The following ZFHX3 variants were observed in gnomAD, a reference collection of about 807,000 sequenced individuals.
ZFHX3 encodes zinc finger homeobox 3.
ZFHX3 carries 42 observed loss-of-function variants against 279.1 expected under a neutral mutation model. The observed-to-expected ratio is 0.15, with a 90% CI of 0.12 to 0.19. ZFHX3 has a LOEUF of 0.19. Ranked by LOEUF, ZFHX3 falls within the 10% of genes least tolerant of loss-of-function variation. The probability of loss-of-function intolerance (pLI) is 1.00; values close to 1 mark genes in which losing one functional copy is unlikely to be tolerated. For missense variants in ZFHX3, 4,981 were observed against 4,754.0 expected (o/e 1.05, Z -1.40); for synonymous variants, 2,293 against 1,957.8 (o/e 1.17, Z -4.52).
In ZFHX3 at chr16:73,129,140, C is replaced by T. The variant is rs555538728; in HGVS notation, c.-897+1828G>A. The stretch of plus-strand genomic sequence containing the variant: ...GAGGGGCACACCTGTAATTCCAGCA[C>T]TTTGGGAGGCTGAAGTGGGCAGATC... On this transcript the variant is annotated intron_variant, in intron 7 of 17. Transcript: ENST00000641206. Among the ~76,000 whole-genome samples, 5 of 152,212 alleles carry T rather than the reference C, an allele frequency of 3.3e-5. No individual in the cohort carries two copies. The East Asian group carries it at 7.7e-4, about 24-fold the overall frequency.
intron 1 of ZFHX3, among the ~76,000 whole-genome samples, chr16:73,814,395 G>A (rs745958706): frequency 1.3e-5 from 2 of 149,902 alleles, no homozygotes; most frequent in Non-Finnish European, 2.9e-5. Context: ...TTCAGATGGT[G>A]GAGATCATTC....
chr16:73,488,665 T>C (rs915375959), intron 2 of ZFHX3, among the ~76,000 whole-genome samples: 9 of 152,292 alleles, frequency 5.9e-5, no homozygotes, highest in Non-Finnish European at 1.3e-4. Context: ...TAGGAAGCCA[T>C]AGGATTCCTG....
chr16:73,282,493 C>G (rs1322627685), intron 4 of ZFHX3, among the ~76,000 whole-genome samples: 7 of 152,282 alleles, frequency 4.6e-5, no homozygotes, highest in Admixed American at 4.6e-4. Context: ...TTCTCTACTT[C>G]AGGAACATCA....
intron 2 of ZFHX3, among the ~76,000 whole-genome samples, chr16:73,514,595 T>G (rs2019488643): frequency 6.6e-6 from 1 of 152,230 alleles, no homozygotes; most frequent in South Asian, 2.1e-4. Flanking sequence ...CCTGTGCACC[T>G]ATCATCTCAT....
chr16:72,911,725 G>A (rs1317201117), intron 3 of ZFHX3, among the ~76,000 whole-genome samples: 1 of 152,222 alleles, frequency 6.6e-6, no homozygotes, highest in Non-Finnish European at 1.5e-5. Context: ...TCAAGTGCTC[G>A]ATGGCCCCGT....
intron 1 of ZFHX3, among the ~76,000 whole-genome samples, chr16:73,797,521 G>C (rs181036997): frequency 1.3e-5 from 2 of 152,304 alleles, no homozygotes; most frequent in Admixed American, 1.3e-4. Flanking sequence ...TAGGCCCAGG[G>C]AGGTCAGTGG....
chr16:72,849,624 T>C (rs1030988012), intron 4 of ZFHX3, among the ~76,000 whole-genome samples: 2 of 152,120 alleles, frequency 1.3e-5, no homozygotes, highest in African/African-American at 4.8e-5. Flanking sequence ...GGATGAAATC[T>C]TTATTGGTGC....
At chr16:73,334,931 T>G (rs1021639985) in intron 3 of ZFHX3, among the ~76,000 whole-genome samples, 50 of 150,680 alleles carry the variant, frequency 3.3e-4, no homozygotes, top group Non-Finnish European at 2.4e-4. Context: ...TTTGCCTGCT[T>G]TGCACAAAGG....
At chr16:73,308,116 A>C (rs987633180) in intron 4 of ZFHX3, among the ~76,000 whole-genome samples, 2 of 151,846 alleles carry the variant, frequency 1.3e-5, no homozygotes, top group South Asian at 4.2e-4. Context: ...TGTAGAAAAT[A>C]CTTGTCGGAG....
chr16:73,704,366 T>C (rs187841641), intron 1 of ZFHX3, among the ~76,000 whole-genome samples: 6 of 152,274 alleles, frequency 3.9e-5, no homozygotes, highest in Admixed American at 1.3e-4. Flanking sequence ...AAATTGCTCT[T>C]ACAGAGCACC....
intron 6 of ZFHX3, among the ~76,000 whole-genome samples, chr16:73,141,226 T>G (rs1164734676): frequency 6.6e-6 from 1 of 152,174 alleles, no homozygotes; most frequent in Non-Finnish European, 1.5e-5. Context: ...ACCTTAGAGA[T>G]TGTATCAGTG....
chr16:72,922,763 A>G (rs1322414844), intron 3 of ZFHX3, among the ~76,000 whole-genome samples: 1 of 152,200 alleles, frequency 6.6e-6, no homozygotes, highest in African/African-American at 2.4e-5. Flanking sequence ...TTTTTAGAAC[A>G]GGATATTCTA....
chr16:73,153,416 T>TG (rs1966997013), intron 5 of ZFHX3, among the ~76,000 whole-genome samples: 1 of 150,956 alleles, frequency 6.6e-6, no homozygotes. Flanking sequence ...CACCTAGCCT[T>TG]GGGGTGAATT....
At chr16:73,358,577 G>A (rs2016383736) in intron 3 of ZFHX3, among the ~76,000 whole-genome samples, 1 of 152,218 alleles carries the variant, frequency 6.6e-6, no homozygotes, top group South Asian at 2.1e-4. Flanking sequence ...TTCCTGCCCT[G>A]TAGAAGCTAA....
At chr16:73,146,299 A>C (rs1966862750) in intron 5 of ZFHX3, among the ~76,000 whole-genome samples, 1 of 152,114 alleles carries the variant, frequency 6.6e-6, no homozygotes. Context: ...GTGGTGGCAC[A>C]TGCTTGTAGC....
At chr16:73,474,757 T>C (rs542458470) in intron 2 of ZFHX3, among the ~76,000 whole-genome samples, 8 of 152,324 alleles carry the variant, frequency 5.3e-5, no homozygotes, top group South Asian at 2.1e-4. Flanking sequence ...ATTTTGCACA[T>C]CACCAGTGCC....
At chr16:73,744,565 G>A (rs2053687277) in intron 1 of ZFHX3, among the ~76,000 whole-genome samples, 1 of 152,176 alleles carries the variant, frequency 6.6e-6, no homozygotes, top group Admixed American at 6.6e-5. Flanking sequence ...CTACTAACCA[G>A]GGAACAGGCA....
intron 5 of ZFHX3, among the ~76,000 whole-genome samples, chr16:73,183,496 T>C (rs1967846042): frequency 6.6e-6 from 1 of 152,156 alleles, no homozygotes; most frequent in Non-Finnish European, 1.5e-5. Context: ...CTTTGTGTTT[T>C]CCCCCTGAAG....
upstream of ZFHX3, among the ~76,000 whole-genome samples, chr16:73,052,500 A>AT: frequency 6.6e-6 from 1 of 152,222 alleles, no homozygotes; most frequent in African/African-American, 2.4e-5. Context: ...ATTTTAGGGC[A>AT]TTTGGGTTCA....
Sources: allele counts gnomAD v4.1 joint callset (sites outside exome capture counted in the v4.1 genomes callset), GRCh38; gene constraint gnomAD v4.1.1; transcripts MANE v1.5; gene names NCBI Gene and HGNC (gene_info 2026-07-23, HGNC 2026-07-21).